The following PM20D2 variants were observed in gnomAD, a reference collection of about 807,000 sequenced individuals.
PM20D2 encodes the protein peptidase M20 domain containing 2.
PM20D2 carries 33 observed loss-of-function variants against 42.9 expected under a neutral mutation model. The ratio of observed to expected loss-of-function variants is 0.77; its 90% CI spans 0.58 to 1.03. The LOEUF (loss-of-function observed/expected upper bound fraction) is 1.03. Ranked by LOEUF, PM20D2 falls within the 50% of genes least tolerant of loss-of-function variation. The pLI, the probability that PM20D2 is intolerant of heterozygous loss-of-function variation, is 0.00. For missense variants in PM20D2, 548 were observed against 557.0 expected, an observed-to-expected ratio of 0.98 and a Z score of 0.16; for synonymous variants, 250 against 228.2, an observed-to-expected ratio of 1.10 and a Z score of -0.86.
chr6:89,158,470 TG>T lies in PM20D2; in HGVS notation c.1048+11del. On this transcript the variant is annotated intron_variant, in intron 5 of 6. Coordinates refer to ENST00000275072, the MANE Select transcript of PM20D2 (RefSeq NM_001010853.3). ...TTGAATGGCCCTTCAGGTAATTAAG[TG>T]TTTTTTTATATATTGAGCTATTTGA... is the stretch of plus-strand genomic sequence containing the variant. The T allele has an allele frequency of 6.4e-7, 1 of 1,572,638 alleles. No individual in the cohort carries two copies. The highest frequency in any genetic ancestry group is 8.6e-7 in the Non-Finnish European group (1 of 1,165,132).
chr6:89,098,373 T>C, the PM20D2 span: 5 of 531,246 alleles, frequency 9.4e-6, no homozygotes, highest in Non-Finnish European at 1.5e-5. Flanking sequence ...ATGGTGACAT[T>C]AGACAAATCA....
the PM20D2 span, among the ~76,000 whole-genome samples, chr6:89,133,176 C>T: frequency 6.6e-6 from 1 of 150,446 alleles, no homozygotes; most frequent in Non-Finnish European, 1.5e-5. Flanking sequence ...TTGCAGTGAG[C>T]TATCATCATG....
intron 1 of PM20D2, among the ~76,000 whole-genome samples, chr6:89,148,167 C>T (rs1770674720): frequency 6.6e-6 from 1 of 151,778 alleles, no homozygotes; most frequent in Non-Finnish European, 1.5e-5. Flanking sequence ...TTAGTAGAGA[C>T]AGGATTTCGC....
chr6:89,165,140 AG>A lies in PM20D2; in HGVS notation c.*2878del, dbSNP rs1183417647. ...TTGAACAAAAGAAATTGATACAATA[AG>A]TTTTTTTTTTTAAGGATGATTGTCT... On this transcript the variant is annotated 3_prime_UTR_variant, in exon 7 of 7. Transcript: ENST00000275072. 3.3e-5 allele frequency: 5 copies of A among 151,766 alleles called. No homozygotes were observed. The highest frequency in any genetic ancestry group is 1.2e-4 in the African/African-American group (5 of 41,348). 9.4% of individuals were successfully genotyped at this position (151,766 alleles called of 1,614,324 possible). A position where few individuals can be genotyped will look rare whatever the true frequency, so the allele number is the denominator to read the frequency against.
intron 1 of PM20D2, among the ~76,000 whole-genome samples, chr6:89,147,209 T>C (rs1770615038): frequency 6.6e-6 from 1 of 152,226 alleles, no homozygotes; most frequent in Admixed American, 6.5e-5. Context: ...TTTTTTGTTT[T>C]ATGATTTTAA....
chr6:89,161,692 G>A (rs572622353), intron 5 of PM20D2, 91 bp from the exon 6 acceptor site: 14 of 978,098 alleles, frequency 1.4e-5, no homozygotes, highest in South Asian at 1.2e-4. Context: ...ACTTCTCTGC[G>A]TCTCTTCTAA....
the PM20D2 span, among the ~76,000 whole-genome samples, chr6:89,129,072 C>G: frequency 6.6e-6 from 1 of 151,972 alleles, no homozygotes; most frequent in Non-Finnish European, 1.5e-5. Flanking sequence ...CTGGTGTAGG[C>G]AAAGCTAGAG....
At chr6:89,096,022 T>C in the PM20D2 span, 1 of 152,178 alleles carries the variant, frequency 6.6e-6, no homozygotes, top group Non-Finnish European at 1.5e-5. Flanking sequence ...CAAGAAACAA[T>C]TCTATGACAA....
the PM20D2 span, among the ~76,000 whole-genome samples, chr6:89,120,831 C>G: frequency 6.6e-6 from 1 of 152,116 alleles, no homozygotes; most frequent in Non-Finnish European, 1.5e-5. Flanking sequence ...TATGTTTGTG[C>G]CAGTGCACTG....
intron 4 of PM20D2, 56 bp downstream of exon 4, chr6:89,154,958 G>C (rs990770211): frequency 1.4e-6 from 2 of 1,379,850 alleles, no homozygotes; most frequent in Non-Finnish European, 1.9e-6. Context: ...ATGTGGGCTA[G>C]CACTGTTAGA....
intron 5 of PM20D2, among the ~76,000 whole-genome samples, chr6:89,161,550 G>C (rs1012306133): frequency 6.6e-6 from 1 of 152,148 alleles, no homozygotes; most frequent in African/African-American, 2.4e-5. Flanking sequence ...AGTAAAAGCC[G>C]TGAGACAAGG....
At chr6:89,111,855 G>C in the PM20D2 span, among the ~76,000 whole-genome samples, 2 of 152,032 alleles carry the variant, frequency 1.3e-5, no homozygotes, top group African/African-American at 4.8e-5. Flanking sequence ...TGGAGACAGG[G>C]TCTCAGGTCT....
At chr6:89,160,432 A>G (rs1460439895) in intron 5 of PM20D2, among the ~76,000 whole-genome samples, 1 of 152,218 alleles carries the variant, frequency 6.6e-6, no homozygotes, top group African/African-American at 2.4e-5. Flanking sequence ...TTCCAGATAA[A>G]TGTTAGCTAC....
chr6:89,157,400 C>T (rs1056863782), intron 4 of PM20D2, among the ~76,000 whole-genome samples: 5 of 152,042 alleles, frequency 3.3e-5, no homozygotes, highest in African/African-American at 1.2e-4. Context: ...GGGAATATTG[C>T]CAATTTTTAT....
chr6:89,098,597 C>T, the PM20D2 span: 10 of 1,611,004 alleles, frequency 6.2e-6, no homozygotes, highest in South Asian at 3.3e-5. Context: ...GTTTTTATGA[C>T]GATAACTTCG....
At position 89,163,202 on chromosome 6, in the gene PM20D2, A is replaced by G. The variant is rs1020647270; in HGVS notation, c.*939A>G. ...TCCTTGCTTGGAATCATCAGAGTTTAAAGTAGCTTCGTGGATGGACCATGA... is the reference window on the plus strand; with the variant it reads ...TCCTTGCTTGGAATCATCAGAGTTTGAAGTAGCTTCGTGGATGGACCATGA... On this transcript the variant is annotated 3_prime_UTR_variant, in exon 7 of 7. Transcript: ENST00000275072. The G allele has an allele frequency of 3.3e-5, 5 of 152,190 alleles. No individual in the cohort carries two copies. The highest frequency in any genetic ancestry group is 7.3e-5 in the Non-Finnish European group (5 of 68,034). The allele number at this position is 152,190 out of a possible 1,614,324, so 9.4% of individuals were successfully genotyped here.
intron 2 of PM20D2, 62 bp from the exon 3 acceptor site, chr6:89,152,981 C>T: frequency 7.2e-7 from 1 of 1,395,554 alleles, no homozygotes; most frequent in Non-Finnish European, 9.7e-7. Flanking sequence ...TTCTGACTAC[C>T]TGGATTTTCT....
At chr6:89,098,967 T>C in the PM20D2 span, 1 of 1,591,302 alleles carries the variant, frequency 6.3e-7, no homozygotes, top group Non-Finnish European at 8.6e-7. Context: ...TCCATAATGT[T>C]AGAGCATATA....
the PM20D2 span, among the ~76,000 whole-genome samples, chr6:89,124,417 G>A: frequency 6.6e-6 from 1 of 152,124 alleles, no homozygotes; most frequent in African/African-American, 2.4e-5. Context: ...AGATAGACAC[G>A]TATGTAAATA....
Sources: gnomAD v4.1 joint callset for allele counts (sites outside exome capture counted in the v4.1 genomes callset) on GRCh38, gnomAD v4.1.1 for gene constraint, MANE v1.5 for transcripts, NCBI Gene and HGNC (gene_info 2026-07-23, HGNC 2026-07-21) for gene names.